NCOA7: variants seen among roughly 807,000 people sequenced by gnomAD.
The protein encoded by NCOA7 is 140 kDa estrogen receptor-associated protein.
A neutral mutation model predicts 104.3 loss-of-function variants in NCOA7; 45 were observed. That is an observed-to-expected ratio of 0.43 (90% confidence interval 0.34 to 0.55). The LOEUF (loss-of-function observed/expected upper bound fraction) is 0.55, where lower values mean the gene tolerates loss of function less well. Among genes scored for constraint, NCOA7 ranks in the 20% least tolerant of loss-of-function variants. The pLI is 0.02. For synonymous variants in NCOA7, 398 were observed against 402.3 expected (o/e 0.99, Z 0.13); for missense variants, 1,041 against 1,119.7 (o/e 0.93, Z 1.00).
intron 3 of NCOA7, among the ~76,000 whole-genome samples, chr6:125,858,476 ACAAAAAATACATTAGC>A (rs1781773774): frequency 6.6e-6 from 1 of 151,996 alleles, no homozygotes; most frequent in Non-Finnish European, 1.5e-5. Flanking sequence ...TCCTGCCTCT[ACAAAAAATACATTAGC>A]CAGGCATAGT....
chr6:125,819,839 C>T (rs557719471), intron 2 of NCOA7, among the ~76,000 whole-genome samples: 4 of 152,114 alleles, frequency 2.6e-5, no homozygotes, highest in South Asian at 2.1e-4. Flanking sequence ...TTGTGATTTC[C>T]GAGTAGGTCC....
In NCOA7 at chr6:125,892,653, G is replaced by A. The variant is rs192450799; in HGVS notation, c.2096+1843G>A. On this transcript the variant is annotated intron_variant, in intron 10 of 15. Transcript: ENST00000392477. ...CACGCCACTGCACTCCAGCCTGGGC[G>A]ACAGAGTAAGACTTTGTCACAAAAA... is the stretch of plus-strand genomic sequence containing the variant. Among the ~76,000 whole-genome samples the A allele has an allele frequency of 1.8e-4, 28 of 152,202 alleles. No individual in the cohort carries two copies. The East Asian group carries it at 4.6e-3, about 25-fold the overall frequency.
intron 11 of NCOA7, among the ~76,000 whole-genome samples, chr6:125,918,592 A>G (rs1042721559): frequency 6.6e-6 from 1 of 152,198 alleles, no homozygotes; most frequent in African/African-American, 2.4e-5. Flanking sequence ...ATTTCTTTCT[A>G]ACCTCCTGAC....
rs973213076 is a variant in NCOA7 at position 125,882,476 on chromosome 6, G to A, written c.624G>A (p.Ser208=). 4.3e-6 allele frequency: 7 copies of A among 1,613,690 alleles called. No homozygotes were observed. The highest frequency in any genetic ancestry group is 1.7e-5 in the Admixed American group (1 of 59,982). Residue 208 remains serine (S), a synonymous_variant, in exon 7 of 16, where the codon TCG becomes TCA. Transcript: ENST00000392477. The part of the protein sequence containing the change: ...KALKPIERVL[S]STSEEDEPGV... ...TGAAACCCATTGAAAGAGTCTTATC[G>A]TCTACTTCTGAAGAAGATGAGCCAG...
rs576553772 is a variant in NCOA7 at position 125,831,898 on chromosome 6, C to T, written c.50+16494C>T. On this transcript the variant is annotated intron_variant, in intron 2 of 15. Transcript: ENST00000392477. ...TCGTTTGAGCTCTATTATGTGCCTT[C>T]TCGCCATCCCCTATATGCCTGCCCA... Among the ~76,000 whole-genome samples, 152 of 152,288 alleles carry T rather than the reference C, an allele frequency of 1.0e-3. 1 individual carries two copies. The highest frequency in any genetic ancestry group is 3.4e-3 in the African/African-American group (140 of 41,558).
chr6:125,846,642 A>G (rs942939910), intron 2 of NCOA7, among the ~76,000 whole-genome samples: 1 of 152,194 alleles, frequency 6.6e-6, no homozygotes, highest in Non-Finnish European at 1.5e-5. Flanking sequence ...AGTTTGTAGA[A>G]TTTTCAGAGT....
chr6:125,843,442 C>G (rs1415821326), intron 2 of NCOA7, among the ~76,000 whole-genome samples: 1 of 152,118 alleles, frequency 6.6e-6, no homozygotes, highest in African/African-American at 2.4e-5. Flanking sequence ...TAATTTGGTA[C>G]AGCAGCCATA....
upstream of NCOA7, among the ~76,000 whole-genome samples, chr6:125,786,802 C>T (rs911430711): frequency 6.6e-6 from 1 of 152,054 alleles, no homozygotes; most frequent in Non-Finnish European, 1.5e-5. Flanking sequence ...TCTCAAACTC[C>T]TGACCTCAAG....
At chr6:125,849,770 T>C (rs1780958802) in intron 2 of NCOA7, among the ~76,000 whole-genome samples, 1 of 152,216 alleles carries the variant, frequency 6.6e-6, no homozygotes, top group Non-Finnish European at 1.5e-5. Context: ...TTGTGATGTA[T>C]TTTAAAGAAA....
chr6:125,847,400 G>C (rs918182952), intron 2 of NCOA7, among the ~76,000 whole-genome samples: 1 of 152,194 alleles, frequency 6.6e-6, no homozygotes, highest in Non-Finnish European at 1.5e-5. Flanking sequence ...ACTAAATGTA[G>C]TAACTATCGG....
intron 3 of NCOA7, among the ~76,000 whole-genome samples, chr6:125,872,138 A>G (rs922007067): frequency 1.3e-5 from 2 of 152,010 alleles, no homozygotes; most frequent in African/African-American, 2.4e-5. Context: ...TTCCTTTAGT[A>G]ATATTACATG....
At position 125,915,348 on chromosome 6, in the gene NCOA7, C is replaced by T; in HGVS notation, c.2112C>T (p.Tyr704=). ...AVPRERVDHL[Y]TFFVQWSPDV... is the part of the protein sequence containing the mutation. ...TGTTTTTCAGGGTGGATCATTTGTA[C>T]ACATTCTTTGTTCAGTGGTCTCCCG... is the stretch of plus-strand genomic sequence containing the variant. Residue 704 remains tyrosine (Y), a synonymous_variant, in exon 11 of 16, where the codon TAC becomes TAT. Transcript: ENST00000392477. 6.2e-7 allele frequency: 1 copy of T among 1,613,692 alleles called. No homozygotes were observed. Among genetic ancestry groups the T allele is most frequent in the Middle Eastern group, 1.7e-4 (1 of 6,056 alleles).
intron 2 of NCOA7, among the ~76,000 whole-genome samples, chr6:125,847,183 A>G (rs1433228973): frequency 6.6e-6 from 1 of 152,188 alleles, no homozygotes; most frequent in African/African-American, 2.4e-5. Flanking sequence ...TTTTCTGCAT[A>G]TACTTGTTAC....
intron 10 of NCOA7, among the ~76,000 whole-genome samples, chr6:125,906,420 G>A (rs760203786): frequency 6.6e-6 from 1 of 152,190 alleles, no homozygotes; most frequent in South Asian, 2.1e-4. Flanking sequence ...GCTGCACCAG[G>A]AGAGGGTTTT....
chr6:125,783,960 G>A (rs1162452879), intron 1 of NCOA7, among the ~76,000 whole-genome samples: 1 of 152,116 alleles, frequency 6.6e-6, no homozygotes, highest in Non-Finnish European at 1.5e-5. Flanking sequence ...ATATCATTGG[G>A]CATTTAGATT....
chr6:125,883,263 A>G (rs181442676), intron 7 of NCOA7, among the ~76,000 whole-genome samples: 4 of 152,338 alleles, frequency 2.6e-5, no homozygotes, highest in African/African-American at 7.2e-5. Context: ...CCAGTTTTAG[A>G]TAATAGGAAA....
intron 2 of NCOA7, among the ~76,000 whole-genome samples, chr6:125,820,125 C>G (rs1422970139): frequency 6.6e-6 from 1 of 152,188 alleles, no homozygotes; most frequent in African/African-American, 2.4e-5. Context: ...CCGCTTTCCT[C>G]TTAACCCAGC....
rs377025440 is a variant in NCOA7 at position 125,889,428 on chromosome 6, C to G, written c.1374C>G (p.Ala458=). The change falls in exon 9 of 16, where the codon GCC becomes GCG. Residue 458 remains alanine (A), a synonymous_variant. Transcript: ENST00000392477. The part of the protein sequence containing the change: ...KKAESQINNS[A]VEMQVQSALA... Reference sequence around the variant, plus strand: ...CTGAGTCACAAATAAACAATTCTGCCGTGGAAATGCAGGTGCAGTCAGCCC... The same window carrying G: ...CTGAGTCACAAATAAACAATTCTGCGGTGGAAATGCAGGTGCAGTCAGCCC... The G allele has an allele frequency of 1.2e-6, 2 of 1,613,902 alleles. No individual in the cohort carries two copies. The highest frequency in any genetic ancestry group is 2.2e-5 in the South Asian group (2 of 91,054).
intron 3 of NCOA7, among the ~76,000 whole-genome samples, chr6:125,863,014 C>A (rs1782178571): frequency 7.2e-6 from 1 of 138,662 alleles, no homozygotes; most frequent in Admixed American, 6.8e-5. Flanking sequence ...AAAAAACAAA[C>A]AAAAAACCCT....
Sources: allele counts gnomAD v4.1 joint callset (sites outside exome capture counted in the v4.1 genomes callset), GRCh38; gene constraint gnomAD v4.1.1; transcripts MANE v1.5; gene names NCBI Gene and HGNC (gene_info 2026-07-23, HGNC 2026-07-21).